PIK3R1: variants seen among roughly 807,000 people sequenced by gnomAD.
PIK3R1 encodes the protein phosphoinositide-3-kinase regulatory subunit 1.
In PIK3R1, 29 loss-of-function variants were observed where a neutral mutation model predicts 98.0. The ratio of observed to expected loss-of-function variants is 0.30; its 90% CI spans 0.22 to 0.40. The LOEUF is 0.40. Ranked by LOEUF, PIK3R1 falls within the 10% of genes least tolerant of loss-of-function variation. The pLI is 1.00. For missense variants in PIK3R1, 596 were observed against 872.7 expected, an observed-to-expected ratio of 0.68 and a Z score of 3.99; for synonymous variants, 282 against 311.8, an observed-to-expected ratio of 0.90 and a Z score of 1.01.
At chr5:68,225,957 C>T (rs1216645807) in intron 1 of PIK3R1, among the ~76,000 whole-genome samples, 1 of 152,108 alleles carries the variant, frequency 6.6e-6, no homozygotes, top group African/African-American at 2.4e-5. Flanking sequence ...GTGCTTTCTC[C>T]CTCGTTTGAA....
At chr5:68,294,773 G>C (rs1747602081) in intron 12 of PIK3R1, 95 bp downstream of exon 12, 3 of 910,438 alleles carry the variant, frequency 3.3e-6, no homozygotes, top group Non-Finnish European at 3.1e-6. Context: ...ATGATCACGT[G>C]GACACAGGAA....
intron 7 of PIK3R1, among the ~76,000 whole-genome samples, chr5:68,281,329 T>C (rs2112198678): frequency 6.6e-6 from 1 of 152,382 alleles, no homozygotes; most frequent in South Asian, 2.1e-4. Context: ...TTTTTGTTTT[T>C]CTTTCTAATA....
At chr5:68,228,091 G>T (rs912376754) in intron 2 of PIK3R1, among the ~76,000 whole-genome samples, 1 of 152,150 alleles carries the variant, frequency 6.6e-6, no homozygotes, top group Admixed American at 6.5e-5. Context: ...TCTAAGAAGG[G>T]AATGGGAAGG....
intron 2 of PIK3R1, among the ~76,000 whole-genome samples, chr5:68,251,671 T>A (rs901871461): frequency 3.9e-5 from 6 of 152,168 alleles, no homozygotes; most frequent in Admixed American, 2.0e-4. Context: ...AGGAAGCTTT[T>A]TTTATGGACA....
Position 68,293,893 on chromosome 5 carries a change from C to A in PIK3R1, c.1425+59C>A, listed in dbSNP as rs1747540532. The A allele has an allele frequency of 9.8e-6, 13 of 1,331,330 alleles. No homozygotes were observed. The South Asian group carries it at 1.4e-4, about 14-fold the overall frequency. The allele number at this position is 1,331,330 out of a possible 1,614,324, so 82.5% of individuals were successfully genotyped here. A position where few individuals can be genotyped will look rare whatever the true frequency, so the allele number is the denominator to read the frequency against. On this transcript the variant is annotated intron_variant, in intron 11 of 15. Transcript: ENST00000521381. ...AGAGTTCTAAACTTTTAAAGACTAA[C>A]ATGGAAAAAAGAATTTAAAAGGTTG...
chr5:68,265,830 A>AT (rs1746100880), intron 2 of PIK3R1, among the ~76,000 whole-genome samples: 1 of 152,218 alleles, frequency 6.6e-6, no homozygotes, highest in African/African-American at 2.4e-5. Flanking sequence ...GTGAAAGATA[A>AT]TGTGGGCGTT....
At position 68,224,438 on chromosome 5, in the gene PIK3R1, A is replaced by C. The variant is rs1028765917; in HGVS notation, c.-386-1852A>C. Among the ~76,000 whole-genome samples, 16 of 152,208 alleles carry C rather than the reference A, an allele frequency of 1.1e-4. No individual in the cohort carries two copies. The South Asian group carries it at 3.3e-3, about 32-fold the overall frequency. On this transcript the variant is annotated intron_variant, in intron 1 of 15. Transcript: ENST00000521381. ...CCCCAATTAATATTCTTGCTCCACA[A>C]AGACTTCCAGTGTTTGTTTTTGCTT...
rs1328291506 is a variant in PIK3R1 at position 68,298,853 on chromosome 5, ACTT to A, written c.*1256_*1258del. Reference sequence around the variant, plus strand: ...ATGTTTATTTCATAAAGAATTGTGAACTTCTTGAATCTAGGGAGGGGGAATGTA... The same window carrying A: ...ATGTTTATTTCATAAAGAATTGTGAACTTGAATCTAGGGAGGGGGAATGTA... On this transcript the variant is annotated 3_prime_UTR_variant, in exon 16 of 16. Coordinates refer to ENST00000521381, the MANE Select transcript of PIK3R1 (RefSeq NM_181523.3). The A allele has an allele frequency of 1.7e-5, 4 of 231,746 alleles. No homozygotes were observed. Among genetic ancestry groups the A allele is most frequent in the East Asian group, 6.1e-5 (1 of 16,450 alleles). 14.4% of individuals were successfully genotyped at this position (231,746 alleles called of 1,614,324 possible).
At chr5:68,294,271 G>C (rs1322996812) in intron 11 of PIK3R1, among the ~76,000 whole-genome samples, 1 of 152,206 alleles carries the variant, frequency 6.6e-6, no homozygotes, top group Non-Finnish European at 1.5e-5. Flanking sequence ...GGGAATGCCA[G>C]AGGGAACAGA....
intron 1 of PIK3R1, among the ~76,000 whole-genome samples, chr5:68,224,677 T>C (rs1744214290): frequency 6.6e-6 from 1 of 152,250 alleles, no homozygotes; most frequent in African/African-American, 2.4e-5. Flanking sequence ...CTCTTTGATA[T>C]AGCCCACTGA....
At chr5:68,293,960 A>C (rs994232347) in intron 11 of PIK3R1, 126 bp downstream of exon 11, 2 of 739,188 alleles carry the variant, frequency 2.7e-6, no homozygotes, top group Non-Finnish European at 4.4e-6. Context: ...TTTATTTGTG[A>C]ATCATTGTTG....
At chr5:68,295,701 G>A (rs1580266338) in intron 14 of PIK3R1, 2 of 577,574 alleles carry the variant, frequency 3.5e-6, no homozygotes, top group African/African-American at 1.9e-5. Context: ...ATAATGCTGT[G>A]AAACAACTCT....
chr5:68,296,876 A>G (rs1386095207), intron 15 of PIK3R1, among the ~76,000 whole-genome samples: 1 of 152,216 alleles, frequency 6.6e-6, no homozygotes, highest in Non-Finnish European at 1.5e-5. Context: ...GTTACACTCC[A>G]TGATCACCTT....
At chr5:68,289,153 T>A (rs1356068727) in intron 7 of PIK3R1, among the ~76,000 whole-genome samples, 3 of 152,180 alleles carry the variant, frequency 2.0e-5, no homozygotes, top group Non-Finnish European at 2.9e-5. Flanking sequence ...CCACAGCTGC[T>A]CGGAGAACTT....
rs150208922 is a variant in PIK3R1, at chr5:68,253,822, T to C, written c.335-19568T>C. 1.1e-4 allele frequency among the ~76,000 whole-genome samples: 16 copies of C among 152,324 alleles called. No homozygotes were observed. In the East Asian group the frequency reaches 2.5e-3, roughly 24 times the overall value. On this transcript the variant is annotated intron_variant, in intron 2 of 15. Coordinates refer to ENST00000521381, the MANE Select transcript of PIK3R1 (RefSeq NM_181523.3). The stretch of plus-strand genomic sequence containing the variant: ...TATGATAAATTAAATGCATGCTTCA[T>C]ACATCCTTTGGTGTAGTCATATTCT...
In PIK3R1 at chr5:68,222,855, T is replaced by TA. The variant is rs1389630657; in HGVS notation, c.-386-3430dup. On this transcript the variant is annotated intron_variant, in intron 1 of 15. Transcript: ENST00000521381. ...TTCAGGCAGTAGATGCTGGAGGTGTTAAAAATGGGACTTACAGAGCTAGAC... is the reference window on the plus strand; with the variant it reads ...TTCAGGCAGTAGATGCTGGAGGTGTTAAAAAATGGGACTTACAGAGCTAGAC... 2.0e-5 allele frequency among the ~76,000 whole-genome samples: 3 copies of TA among 152,194 alleles called. No homozygotes were observed. In the East Asian group the frequency reaches 5.8e-4, roughly 29 times the overall value.
At chr5:68,235,266 G>A (rs907065821) in intron 2 of PIK3R1, among the ~76,000 whole-genome samples, 3 of 152,020 alleles carry the variant, frequency 2.0e-5, no homozygotes, top group African/African-American at 7.2e-5. Context: ...AGCTGGGTGT[G>A]ATGGTGCATG....
chr5:68,290,666 C>G, intron 7 of PIK3R1: 1 of 1,558,342 alleles, frequency 6.4e-7, no homozygotes, highest in Non-Finnish European at 8.7e-7. Context: ...TCCAAGACAC[C>G]ATTACAAAGA....
chr5:68,253,610 T>A (rs1320055060), intron 2 of PIK3R1, among the ~76,000 whole-genome samples: 1 of 152,112 alleles, frequency 6.6e-6, no homozygotes, highest in African/African-American at 2.4e-5. Context: ...TTTTTTAAGG[T>A]TCAGAACCCT....
Sources: allele counts gnomAD v4.1 joint callset (sites outside exome capture counted in the v4.1 genomes callset), GRCh38; gene constraint gnomAD v4.1.1; transcripts MANE v1.5; gene names NCBI Gene and HGNC (gene_info 2026-07-23, HGNC 2026-07-21).